FAM47E: variants seen among roughly 807,000 people sequenced by gnomAD.
FAM47E encodes the protein family with sequence similarity 47 member E, also known as protein FAM47E.
In FAM47E, 32 loss-of-function variants were observed where a neutral mutation model predicts 41.6. The observed-to-expected ratio is 0.77, with a 90% CI of 0.58 to 1.03. The LOEUF (loss-of-function observed/expected upper bound fraction) is 1.03. Ranked by LOEUF, FAM47E falls within the 50% of genes least tolerant of loss-of-function variation. FAM47E has a pLI of 0.00. For synonymous variants in FAM47E, 184 were observed against 188.7 expected, an observed-to-expected ratio of 0.98 and a Z score of 0.20; for missense variants, 424 against 485.4, an observed-to-expected ratio of 0.87 and a Z score of 1.19.
At chr4:76,256,913 G>A (rs1320086554) in intron 2 of FAM47E, among the ~76,000 whole-genome samples, 1 of 152,138 alleles carries the variant, frequency 6.6e-6, no homozygotes, top group African/African-American at 2.4e-5. Flanking sequence ...CCTGGTATTA[G>A]GAAGTGCCCT....
chr4:76,257,408 C>A (rs1180279976), intron 2 of FAM47E, among the ~76,000 whole-genome samples: 2 of 152,136 alleles, frequency 1.3e-5, no homozygotes, highest in African/African-American at 2.4e-5. Flanking sequence ...CTGTATTCTA[C>A]ACAGAGAGCG....
chr4:76,255,902 A>G (rs1438805681), intron 1 of FAM47E, among the ~76,000 whole-genome samples: 1 of 152,198 alleles, frequency 6.6e-6, no homozygotes, highest in East Asian at 1.9e-4. Flanking sequence ...CCACTAGGGC[A>G]GTTTTGCTTT....
chr4:76,240,054 T>C (rs1733674905), intron 2 of FAM47E, among the ~76,000 whole-genome samples: 1 of 152,196 alleles, frequency 6.6e-6, no homozygotes, highest in African/African-American at 2.4e-5. Flanking sequence ...TTCTATTCCA[T>C]TGGTCTATAT....
At chr4:76,263,893 T>G in intron 3 of FAM47E, 50 bp downstream of exon 3, 1 of 1,532,956 alleles carries the variant, frequency 6.5e-7, no homozygotes, top group Non-Finnish European at 8.8e-7. Context: ...TGATGAAACA[T>G]TCTAGGAATT....
chr4:76,220,066 T>G (rs1339943180), intron 2 of FAM47E, among the ~76,000 whole-genome samples: 1 of 152,210 alleles, frequency 6.6e-6, no homozygotes, highest in East Asian at 1.9e-4. Flanking sequence ...TTCCTCCATT[T>G]TGAATCAAAC....
At chr4:76,246,566 A>G (rs1326705623) in intron 2 of FAM47E, among the ~76,000 whole-genome samples, 1 of 152,106 alleles carries the variant, frequency 6.6e-6, no homozygotes, top group Non-Finnish European at 1.5e-5. Context: ...CTTACATAGT[A>G]AAATGCACAA....
chr4:76,240,883 A>G (rs1447371548), intron 2 of FAM47E, among the ~76,000 whole-genome samples: 1 of 152,142 alleles, frequency 6.6e-6, no homozygotes, highest in Non-Finnish European at 1.5e-5. Context: ...TTTGTCTAAT[A>G]GATCCTCCAT....
intron 5 of FAM47E, among the ~76,000 whole-genome samples, 188 bp downstream of exon 5, chr4:76,271,956 G>A (rs746396954): frequency 2.0e-5 from 3 of 152,126 alleles, no homozygotes; most frequent in African/African-American, 7.2e-5. Context: ...TTATACAAAT[G>A]AGGCATGTCA....
At chr4:76,218,232 C>T (rs562269102) in intron 2 of FAM47E, among the ~76,000 whole-genome samples, 1 of 152,232 alleles carries the variant, frequency 6.6e-6, no homozygotes, top group African/African-American at 2.4e-5. Context: ...TAAAATGTAC[C>T]ATCACACCCT....
intron 5 of FAM47E, among the ~76,000 whole-genome samples, chr4:76,276,546 A>G (rs1170194113): frequency 1.3e-5 from 2 of 151,438 alleles, no homozygotes; most frequent in Non-Finnish European, 1.5e-5. Flanking sequence ...CTAATTTTGT[A>G]TATTTAGTAG....
chr4:76,253,316 A>T (rs10856883), intron 1 of FAM47E, among the ~76,000 whole-genome samples: 1 of 151,970 alleles, frequency 6.6e-6, no homozygotes, highest in Non-Finnish European at 1.5e-5. Flanking sequence ...TTTGGGGCTA[A>T]TATGTAGAAA....
chr4:76,240,244 G>A (rs144604894), intron 2 of FAM47E, among the ~76,000 whole-genome samples: 345 of 152,282 alleles, frequency 2.3e-3, no homozygotes, highest in African/African-American at 7.8e-3. Context: ...GGCCTCTGAA[G>A]TTTCTGATGA....
At chr4:76,278,624 A>G (rs1457786888) in intron 6 of FAM47E, 1 of 226,756 alleles carries the variant, frequency 4.4e-6, no homozygotes, top group Non-Finnish European at 8.5e-6. Flanking sequence ...CTATGGGTGA[A>G]TGTCAAAAAA....
upstream of FAM47E, among the ~76,000 whole-genome samples, chr4:76,248,723 A>C (rs72655564): frequency 0.11 from 16,250 of 152,104 alleles, 947 homozygotes; most frequent in African/African-American, 0.16. Flanking sequence ...CAAGTTGATA[A>C]TTGCTCTATA....
chr4:76,216,226 C>T (rs1686053994), intron 1 of FAM47E, among the ~76,000 whole-genome samples: 2 of 152,160 alleles, frequency 1.3e-5, no homozygotes, highest in African/African-American at 2.4e-5. Flanking sequence ...GCTTAAGGAG[C>T]AATGCTAGCC....
intron 5 of FAM47E, among the ~76,000 whole-genome samples, chr4:76,276,563 G>T (rs530337768): frequency 9.6e-5 from 14 of 146,532 alleles, no homozygotes; most frequent in Admixed American, 7.7e-4. Flanking sequence ...GTAGAGACAG[G>T]GTTTCACCAG....
chr4:76,227,746 C>T (rs9996456), intron 2 of FAM47E, among the ~76,000 whole-genome samples: 16,550 of 152,104 alleles, frequency 0.11, 1,240 homozygotes, highest in East Asian at 0.41. Context: ...TGATATTTTC[C>T]TGTTGGACTG....
At chr4:76,243,317 A>G (rs1404109845) in intron 2 of FAM47E, among the ~76,000 whole-genome samples, 3 of 152,230 alleles carry the variant, frequency 2.0e-5, no homozygotes, top group African/African-American at 7.2e-5. Flanking sequence ...TAGCTGGCAA[A>G]TAAATCAGCA....
chr4:76,269,454 A>T (rs1213262524), intron 4 of FAM47E: 1 of 152,080 alleles, frequency 6.6e-6, no homozygotes, highest in East Asian at 1.9e-4. Context: ...GTCTCTACTA[A>T]AAATATTTAA....
Sources: allele counts gnomAD v4.1 joint callset (sites outside exome capture counted in the v4.1 genomes callset), GRCh38; gene constraint gnomAD v4.1.1; transcripts MANE v1.5; gene names NCBI Gene and HGNC (gene_info 2026-07-23, HGNC 2026-07-21).